RIMS2: variants seen among roughly 807,000 people sequenced by gnomAD.
The protein encoded by RIMS2 is regulating synaptic membrane exocytosis 2.
Under a neutral mutation model 174.4 loss-of-function variants are expected in RIMS2, and 59 were observed. The observed-to-expected ratio is 0.34, with a 90% confidence interval of 0.27 to 0.42. The LOEUF (loss-of-function observed/expected upper bound fraction) is 0.42. Ranked by LOEUF, RIMS2 falls within the 10% of genes least tolerant of loss-of-function variation. RIMS2 has a pLI of 1.00. For synonymous variants in RIMS2, 606 were observed against 572.5 expected, an observed-to-expected ratio of 1.06 and a Z score of -0.84; for missense variants, 1,620 against 1,666.3, an observed-to-expected ratio of 0.97 and a Z score of 0.48.
At chr8:104,008,459 C>G (rs924965979) in intron 17 of RIMS2, among the ~76,000 whole-genome samples, 4 of 114,678 alleles carry the variant, frequency 3.5e-5, no homozygotes, top group African/African-American at 1.1e-4. Flanking sequence ...CTAAAAATAT[C>G]TTCAAAATAT....
chr8:103,829,434 T>C (rs374028641), intron 3 of RIMS2, among the ~76,000 whole-genome samples: 131 of 152,286 alleles, frequency 8.6e-4, no homozygotes, highest in African/African-American at 3.0e-3. Context: ...TGCAGCACTA[T>C]TCGCAATAGA....
chr8:103,736,304 A>G (rs947430577), intron 2 of RIMS2, among the ~76,000 whole-genome samples: 2 of 152,204 alleles, frequency 1.3e-5, no homozygotes, highest in African/African-American at 4.8e-5. Flanking sequence ...AGAACAATGT[A>G]TAATAGAAGT....
chr8:103,764,549 T>A (rs2098146830), intron 2 of RIMS2, among the ~76,000 whole-genome samples: 2 of 152,232 alleles, frequency 1.3e-5, no homozygotes, highest in Admixed American at 6.5e-5. Flanking sequence ...ATGGGTTAGA[T>A]ATATTTCATG....
chr8:103,704,356 T>C (rs571554199), intron 2 of RIMS2, among the ~76,000 whole-genome samples: 1 of 151,794 alleles, frequency 6.6e-6, no homozygotes, highest in Non-Finnish European at 1.5e-5. Context: ...TCAGTTCAGT[T>C]TGCTAGAATG....
At chr8:103,562,773 G>A (rs867128397) in intron 1 of RIMS2, among the ~76,000 whole-genome samples, 5 of 152,122 alleles carry the variant, frequency 3.3e-5, no homozygotes, top group South Asian at 2.1e-4. Flanking sequence ...TGAGGGCCCC[G>A]TCCCTGCAGC....
At chr8:103,977,093 A>G (rs2093511907) in intron 16 of RIMS2, 1 of 152,236 alleles carries the variant, frequency 6.6e-6, no homozygotes, top group Admixed American at 6.5e-5. Context: ...TATTTGACTT[A>G]GAATTTTAAT....
intron 19 of RIMS2, among the ~76,000 whole-genome samples, chr8:104,089,618 C>T (rs1015416770): frequency 6.6e-6 from 1 of 151,734 alleles, no homozygotes; most frequent in African/African-American, 2.4e-5. Context: ...GAGCTAATCC[C>T]AGTGGTAAAC....
chr8:103,548,069 T>G (rs1845932568), intron 1 of RIMS2, among the ~76,000 whole-genome samples: 1 of 152,274 alleles, frequency 6.6e-6, no homozygotes, highest in Admixed American at 6.5e-5. Context: ...CACAGTTGGA[T>G]TCTATCAGAT....
At chr8:104,214,192 C>G (rs1412615325) in intron 19 of RIMS2, among the ~76,000 whole-genome samples, 1 of 152,158 alleles carries the variant, frequency 6.6e-6, no homozygotes, top group Non-Finnish European at 1.5e-5. Flanking sequence ...TGATTTGCCT[C>G]TCCTTGTAAT....
intron 2 of RIMS2, among the ~76,000 whole-genome samples, chr8:103,723,376 A>G (rs1213206980): frequency 3.3e-5 from 5 of 152,236 alleles, no homozygotes. Flanking sequence ...GCCCTTTACC[A>G]GTTAGCCTGT....
chr8:103,886,327 T>C, intron 4 of RIMS2, 104 bp downstream of exon 7: 1 of 966,470 alleles, frequency 1.0e-6, no homozygotes. Context: ...CTAGTAGCTT[T>C]ATTTTAAAAG....
chr8:103,652,688 C>T, intron 1 of RIMS2: 1 of 1,350,122 alleles, frequency 7.4e-7, no homozygotes, highest in Non-Finnish European at 9.8e-7. Context: ...GCAAAAACAA[C>T]AAAATGAAAA....
chr8:103,875,313 C>T (rs916564903), intron 3 of RIMS2, among the ~76,000 whole-genome samples: 3 of 151,838 alleles, frequency 2.0e-5, no homozygotes, highest in Non-Finnish European at 4.4e-5. Flanking sequence ...TTATACACTC[C>T]GTTTTATACC....
intron 2 of RIMS2, among the ~76,000 whole-genome samples, chr8:103,723,604 G>A (rs1428432471): frequency 6.6e-6 from 1 of 152,194 alleles, no homozygotes; most frequent in Non-Finnish European, 1.5e-5. Flanking sequence ...GCCTGGTACT[G>A]GGTGGATCTA....
chr8:103,791,021 TC>T, intron 3 of RIMS2, among the ~76,000 whole-genome samples: 2 of 152,148 alleles, frequency 1.3e-5, no homozygotes, highest in Admixed American at 1.3e-4. Flanking sequence ...AGGAGAACTT[TC>T]CCAACCTAGC....
At chr8:103,662,084 A>G (rs954099678) in intron 1 of RIMS2, among the ~76,000 whole-genome samples, 4 of 152,234 alleles carry the variant, frequency 2.6e-5, no homozygotes, top group African/African-American at 9.6e-5. Context: ...AACACTAATG[A>G]TAGCTGATGA....
At chr8:104,130,335 G>A (rs933005965) in intron 19 of RIMS2, among the ~76,000 whole-genome samples, 1 of 152,172 alleles carries the variant, frequency 6.6e-6, no homozygotes, top group Middle Eastern at 3.2e-3. Context: ...CTGCATAACC[G>A]CTGCCCAGAT....
intron 19 of RIMS2, 119 bp from the exon 24 acceptor site, chr8:104,093,352 G>T: frequency 1.6e-6 from 1 of 639,366 alleles, no homozygotes; most frequent in South Asian, 2.5e-5. Context: ...ATATGCAACT[G>T]AGTGGGATTT....
intron 1 of RIMS2, among the ~76,000 whole-genome samples, chr8:103,589,640 C>T (rs182464974): frequency 6.6e-6 from 1 of 151,502 alleles, no homozygotes; most frequent in Admixed American, 6.6e-5. Flanking sequence ...ATGTTTGTTG[C>T]AGCTCTGTTT....
Sources: allele counts gnomAD v4.1 joint callset (sites outside exome capture counted in the v4.1 genomes callset), GRCh38; gene constraint gnomAD v4.1.1; transcripts MANE v1.5; gene names NCBI Gene and HGNC (gene_info 2026-07-23, HGNC 2026-07-21).